The following UBE2E1 variants were observed in gnomAD, a reference collection of about 807,000 sequenced individuals.
UBE2E1 encodes the protein ubiquitin-conjugating enzyme E2 E1.
UBE2E1 carries 6 observed loss-of-function variants against 21.4 expected under a neutral mutation model. The ratio of observed to expected loss-of-function variants is 0.28; its 90% CI spans 0.15 to 0.55. UBE2E1 has a LOEUF of 0.55. Among genes scored for constraint, UBE2E1 ranks in the 20% least tolerant of loss-of-function variants. The probability of loss-of-function intolerance (pLI) is 0.93; values close to 1 mark genes in which losing one functional copy is unlikely to be tolerated. For synonymous variants in UBE2E1, 87 were observed against 82.7 expected (o/e 1.05, Z -0.28); for missense variants, 142 against 236.5 (o/e 0.60, Z 2.62).
intron 3 of UBE2E1, among the ~76,000 whole-genome samples, chr3:23,886,925 G>C (rs1021279198): frequency 6.6e-6 from 1 of 152,198 alleles, no homozygotes; most frequent in African/African-American, 2.4e-5. Context: ...ATGTAACAGT[G>C]ATTTATGATA....
intron 3 of UBE2E1, among the ~76,000 whole-genome samples, chr3:23,884,570 G>T (rs572678579): frequency 6.6e-6 from 1 of 152,204 alleles, no homozygotes; most frequent in African/African-American, 2.4e-5. Flanking sequence ...AAATCTGCAT[G>T]TAGTGACATA....
At chr3:23,881,738 CA>C (rs1701046592) in intron 3 of UBE2E1, among the ~76,000 whole-genome samples, 1 of 152,210 alleles carries the variant, frequency 6.6e-6, no homozygotes, top group Non-Finnish European at 1.5e-5. Flanking sequence ...TCACTGACTT[CA>C]AGAATGAAGC....
intron 3 of UBE2E1, among the ~76,000 whole-genome samples, chr3:23,855,737 G>A (rs1419704228): frequency 6.6e-6 from 1 of 152,088 alleles, no homozygotes; most frequent in African/African-American, 2.4e-5. Flanking sequence ...GGCTGAGGCA[G>A]GAGAATGGCG....
In UBE2E1 at chr3:23,810,349, G is replaced by A. The variant is rs1699357653; in HGVS notation, c.153-1111G>A. ...AGCAAAAGACAAAGGCCAGGGCTTG[G>A]TGTGAACTGCCTGGTGGCTTCGGCC... On this transcript the variant is annotated intron_variant, in intron 2 of 5. Transcript: ENST00000306627. This position sits in a 1 kb window ranked among gnomAD's most constrained non-coding sequence, Gnocchi z 5.8. The A allele has an allele frequency of 4.6e-6, 6 of 1,316,516 alleles. No homozygotes were observed. In the South Asian group the frequency reaches 7.6e-5, roughly 17 times the overall value. 81.6% of individuals were successfully genotyped at this position (1,316,516 alleles called of 1,614,324 possible). A position where few individuals can be genotyped will look rare whatever the true frequency, so the allele number is the denominator to read the frequency against.
At position 23,876,129 on chromosome 3, in the gene UBE2E1, T is replaced by C. The variant is rs1700909237; in HGVS notation, c.204-11438T>C. 6.6e-6 allele frequency among the ~76,000 whole-genome samples: 1 copy of C among 152,176 alleles called. No individual in the cohort carries two copies. The highest frequency in any genetic ancestry group is 1.5e-5 in the Non-Finnish European group (1 of 68,022). On this transcript the variant is annotated intron_variant, in intron 3 of 5. Coordinates refer to ENST00000306627, the MANE Select transcript of UBE2E1 (RefSeq NM_003341.5). This position sits in a 1 kb window ranked among gnomAD's most constrained non-coding sequence, Gnocchi z 4.3. ...TTTCTGGGGAGCCCTTTAGGTTGGC[T>C]CTAGGTCTGCAAGTTCTTTCCAAGG...
intron 3 of UBE2E1, among the ~76,000 whole-genome samples, chr3:23,820,565 G>T (rs760347748): frequency 4.0e-5 from 6 of 151,870 alleles, no homozygotes; most frequent in Non-Finnish European, 8.8e-5. Flanking sequence ...GCAGTGTGTT[G>T]TTCACTAATA....
chr3:23,812,356 A>T (rs1316027379), intron 3 of UBE2E1, among the ~76,000 whole-genome samples: 1 of 152,236 alleles, frequency 6.6e-6, no homozygotes, highest in Non-Finnish European at 1.5e-5. Flanking sequence ...GGGATGTGAG[A>T]TTTCAGAAAT....
chr3:23,840,055 T>C (rs73825107), intron 3 of UBE2E1, among the ~76,000 whole-genome samples: 2,385 of 152,282 alleles, frequency 0.016, 71 homozygotes, highest in African/African-American at 0.055. Flanking sequence ...AAGTTTCTTA[T>C]TTTTCCTTTG....
intron 3 of UBE2E1, among the ~76,000 whole-genome samples, chr3:23,814,706 A>C (rs1699475204): frequency 6.6e-6 from 1 of 152,186 alleles, no homozygotes; most frequent in South Asian, 2.1e-4. Context: ...TCAGTTTTGC[A>C]GCTGTTATTT....
intron 3 of UBE2E1, among the ~76,000 whole-genome samples, chr3:23,865,928 T>A (rs935892314): frequency 6.6e-6 from 1 of 152,166 alleles, no homozygotes; most frequent in South Asian, 2.1e-4. Flanking sequence ...CTGCTGCTGC[T>A]GCAGCATCTA....
intron 3 of UBE2E1, among the ~76,000 whole-genome samples, chr3:23,874,631 C>A (rs1490608173): frequency 6.6e-6 from 1 of 152,176 alleles, no homozygotes; most frequent in African/African-American, 2.4e-5. Context: ...GCATTGGATT[C>A]TGTCCTGACT....
chr3:23,819,438 A>G (rs182343981), intron 3 of UBE2E1, among the ~76,000 whole-genome samples: 25 of 152,260 alleles, frequency 1.6e-4, no homozygotes, highest in Admixed American at 1.4e-3. Context: ...TTTCTAGACG[A>G]TTAGAAGCAT....
chr3:23,817,167 G>A (rs1352658416), intron 3 of UBE2E1, among the ~76,000 whole-genome samples: 1 of 152,174 alleles, frequency 6.6e-6, no homozygotes, highest in South Asian at 2.1e-4. Context: ...CACAAGCTGG[G>A]CATGGTGGCT....
chr3:23,810,441 C>T lies in UBE2E1; in HGVS notation c.153-1019C>T. On this transcript the variant is annotated intron_variant, in intron 2 of 5. Coordinates refer to ENST00000306627, the MANE Select transcript of UBE2E1 (RefSeq NM_003341.5). This position sits in a 1 kb window ranked among gnomAD's most constrained non-coding sequence, Gnocchi z 5.8. ...TGCGGAGGGAGAAAACTGCAGGTCTCCAGTCTATCCCCAGTGTGAGCTAGA... is the reference window on the plus strand; with the variant it reads ...TGCGGAGGGAGAAAACTGCAGGTCTTCAGTCTATCCCCAGTGTGAGCTAGA... The T allele has an allele frequency of 6.5e-7, 1 of 1,535,498 alleles. No individual in the cohort carries two copies. Among genetic ancestry groups the T allele is most frequent in the Non-Finnish European group, 8.7e-7 (1 of 1,146,516 alleles).
chr3:23,874,370 C>T (rs1700871013), intron 3 of UBE2E1, among the ~76,000 whole-genome samples: 1 of 152,190 alleles, frequency 6.6e-6, no homozygotes, highest in African/African-American at 2.4e-5. Context: ...AGATGCTCTG[C>T]TTTTCCCCCA....
chr3:23,856,513 C>T (rs1364920558), intron 3 of UBE2E1, among the ~76,000 whole-genome samples: 1 of 152,216 alleles, frequency 6.6e-6, no homozygotes, highest in East Asian at 1.9e-4. Flanking sequence ...GGACCAACAA[C>T]TGTTAAATCA....
intron 3 of UBE2E1, among the ~76,000 whole-genome samples, chr3:23,884,974 A>G (rs772712552): frequency 6.6e-6 from 1 of 152,242 alleles, no homozygotes; most frequent in African/African-American, 2.4e-5. Context: ...TCATAGCTGT[A>G]TCAGCCAGTG....
chr3:23,871,528 C>T (rs1469816692), intron 3 of UBE2E1, among the ~76,000 whole-genome samples: 1 of 149,862 alleles, frequency 6.7e-6, no homozygotes. Context: ...CCCCACCTCC[C>T]TCTCGGACGG....
In UBE2E1 at chr3:23,891,516, A is replaced by G. The variant is rs1001794454; in HGVS notation, c.*910A>G. 1.3e-5 allele frequency: 2 copies of G among 152,196 alleles called. No homozygotes were observed. Among genetic ancestry groups the G allele is most frequent in the African/African-American group, 4.8e-5 (2 of 41,444 alleles). 9.4% of individuals were successfully genotyped at this position (152,196 alleles called of 1,614,324 possible). On this transcript the variant is annotated 3_prime_UTR_variant, in exon 6 of 6. Coordinates refer to ENST00000306627, the MANE Select transcript of UBE2E1 (RefSeq NM_003341.5). The stretch of plus-strand genomic sequence containing the variant: ...AAAGGTTAAATAATCTACCCCATTT[A>G]GGCTTCAAAGACGAACCCTACTGCA...
Sources: allele counts gnomAD v4.1 joint callset (sites outside exome capture counted in the v4.1 genomes callset), GRCh38; gene constraint gnomAD v4.1.1; non-coding constraint Gnocchi (gnomAD v3.1); transcripts MANE v1.5; gene names NCBI Gene and HGNC (gene_info 2026-07-23, HGNC 2026-07-21).